Variants in TNIP1 observed in about 807,000 individuals in gnomAD.
TNIP1 encodes the protein TNFAIP3 interacting protein 1, also known as TNFAIP3-interacting protein 1.
In TNIP1, 22 loss-of-function variants were observed where a neutral mutation model predicts 86.6. That is an observed-to-expected ratio of 0.25 (90% confidence interval 0.18 to 0.36). TNIP1 has a LOEUF of 0.36. Ranked by LOEUF, TNIP1 falls within the 10% of genes least tolerant of loss-of-function variation. The pLI is 1.00. For missense variants in TNIP1, 709 were observed against 820.6 expected (o/e 0.86, Z 1.66); for synonymous variants, 294 against 313.0 (o/e 0.94, Z 0.64).
chr5:151,045,337 G>A (rs991021711), intron 9 of TNIP1, among the ~76,000 whole-genome samples: 1 of 152,080 alleles, frequency 6.6e-6, no homozygotes, highest in African/African-American at 2.4e-5. Context: ...TGATCCACCC[G>A]CCTCAGCCTC....
intron 11 of TNIP1, 141 bp from the exon 12 acceptor site, chr5:151,039,366 G>A: frequency 1.2e-6 from 1 of 807,194 alleles, no homozygotes; most frequent in South Asian, 2.1e-5. Context: ...CCTGGGGTCG[G>A]TACAGTAATG....
chr5:151,081,421 A>C (rs1171560326), upstream of TNIP1, among the ~76,000 whole-genome samples: 1 of 151,952 alleles, frequency 6.6e-6, no homozygotes, highest in Non-Finnish European at 1.5e-5. Context: ...GGACCTGCCA[A>C]AAGGCACGTA....
At chr5:151,038,725 T>C (rs1365820929) in intron 12 of TNIP1, among the ~76,000 whole-genome samples, 2 of 152,114 alleles carry the variant, frequency 1.3e-5, no homozygotes, top group Non-Finnish European at 2.9e-5. Context: ...AAATAAGTGA[T>C]GACGAGCCAT....
At chr5:151,046,267 A>T in intron 8 of TNIP1, 16 of 302,300 alleles carry the variant, frequency 5.3e-5, no homozygotes, top group East Asian at 6.9e-5. Flanking sequence ...CACTCCCTAC[A>T]CACATCAGCC....
chr5:151,042,270 T>C (rs1472197891), intron 11 of TNIP1, among the ~76,000 whole-genome samples: 5 of 152,118 alleles, frequency 3.3e-5, no homozygotes, highest in Admixed American at 3.3e-4. Context: ...TGCTTCCCTG[T>C]ACAGTTCCCC....
chr5:151,032,206 T>C lies in TNIP1; in HGVS notation c.1876+81A>G, dbSNP rs533996872. 97 of 1,255,792 alleles carry C rather than the reference T, an allele frequency of 7.7e-5. No homozygotes were observed. The African/African-American group carries it at 1.4e-3, about 18-fold the overall frequency. The allele number at this position is 1,255,792 out of a possible 1,614,324, so 77.8% of individuals were successfully genotyped here. A position where few individuals can be genotyped will look rare whatever the true frequency, so the allele number is the denominator to read the frequency against. On this transcript the variant is annotated intron_variant, in intron 17 of 17. Coordinates refer to ENST00000521591, the MANE Select transcript of TNIP1 (RefSeq NM_006058.5). ...CCACCAAGAGCAGAAACTAACGACA[T>C]CACCCCCAAACTCAGGCAATGCTGG...
chr5:151,064,337 C>T (rs1377545625), intron 2 of TNIP1, among the ~76,000 whole-genome samples: 1 of 152,152 alleles, frequency 6.6e-6, no homozygotes, highest in African/African-American at 2.4e-5. Context: ...CACGGCAAGG[C>T]AAAGGAAGAG....
chr5:151,069,339 C>G (rs1040369448), intron 1 of TNIP1, among the ~76,000 whole-genome samples: 1 of 152,292 alleles, frequency 6.6e-6, no homozygotes, highest in East Asian at 1.9e-4. Context: ...TCCCAGACCC[C>G]CCAAATGATA....
chr5:151,063,263 T>A (rs1761811255), intron 3 of TNIP1, among the ~76,000 whole-genome samples: 1 of 152,106 alleles, frequency 6.6e-6, no homozygotes, highest in Non-Finnish European at 1.5e-5. Context: ...AGTAGCTGCT[T>A]GGAGTGCGAT....
chr5:151,077,259 G>A (rs1227995961), intron 1 of TNIP1, among the ~76,000 whole-genome samples: 1 of 152,150 alleles, frequency 6.6e-6, no homozygotes, highest in Non-Finnish European at 1.5e-5. Flanking sequence ...ATTTATGAGG[G>A]CAGAGCTGAC....
At chr5:151,063,199 C>T (rs956920513) in intron 3 of TNIP1, among the ~76,000 whole-genome samples, 8 of 152,290 alleles carry the variant, frequency 5.3e-5, no homozygotes, top group East Asian at 1.9e-4. Flanking sequence ...AAAATGGACG[C>T]GCAGGGCACG....
intron 9 of TNIP1, 131 bp downstream of exon 9, chr5:151,045,730 C>T: frequency 6.1e-6 from 5 of 818,760 alleles, no homozygotes; most frequent in Non-Finnish European, 1.0e-5. Flanking sequence ...GCAGGCAGGT[C>T]AGTGGTCACC....
Position 151,036,817 on chromosome 5 carries a change from G to A in TNIP1, c.1368C>T (p.Val456=). 1 of 1,614,034 alleles carries A rather than the reference G, an allele frequency of 6.2e-7. No individual in the cohort carries two copies. The highest frequency in any genetic ancestry group is 1.1e-5 in the South Asian group (1 of 91,054). Residue 456 remains valine (V), a synonymous_variant, in exon 13 of 18, where the codon GTC becomes GTT. Transcript: ENST00000521591. ...GCTGTTTCAGCAACTCATTCTGCGT[G>A]ACCAGCTCCTGTTTCCTTAGGAGGG... is the stretch of plus-strand genomic sequence containing the variant. ...AGALLRKQEL[V]TQNELLKQQV...
intron 5 of TNIP1, among the ~76,000 whole-genome samples, chr5:151,057,818 A>G (rs1760876443): frequency 6.6e-6 from 1 of 152,236 alleles, no homozygotes; most frequent in African/African-American, 2.4e-5. Context: ...TTTACATTGT[A>G]TTAGGTATCG....
intron 6 of TNIP1, among the ~76,000 whole-genome samples, chr5:151,054,206 T>G (rs1760350423): frequency 6.6e-6 from 1 of 152,204 alleles, no homozygotes; most frequent in African/African-American, 2.4e-5. Flanking sequence ...TCTAAGGAAC[T>G]GTGTAGAGCA....
chr5:151,062,268 C>G, intron 3 of TNIP1, 56 bp from the exon 4 acceptor site: 1 of 1,524,300 alleles, frequency 6.6e-7, no homozygotes, highest in Non-Finnish European at 9.1e-7. Context: ...AGCCCAGGTA[C>G]CACCCTCTCA....
chr5:151,051,806 A>G (rs953008793), intron 7 of TNIP1, among the ~76,000 whole-genome samples: 1 of 152,286 alleles, frequency 6.6e-6, no homozygotes, highest in Middle Eastern at 3.4e-3. Context: ...GTTCTCAGGA[A>G]GACAGAGCAG....
chr5:151,038,993 G>C, intron 12 of TNIP1, 104 bp downstream of exon 12: 1 of 1,455,698 alleles, frequency 6.9e-7, no homozygotes, highest in African/African-American at 1.4e-5. Context: ...ACTGACTGGG[G>C]GTTACCCTTC....
At chr5:151,060,476 A>T (rs1052149448) in intron 4 of TNIP1, 81 bp from the exon 5 acceptor site, 16 of 1,266,150 alleles carry the variant, frequency 1.3e-5, no homozygotes, top group Non-Finnish European at 1.7e-5. Flanking sequence ...GAGAGCAGCA[A>T]GGGGGACAAA....
Sources: allele counts gnomAD v4.1 joint callset (sites outside exome capture counted in the v4.1 genomes callset), GRCh38; gene constraint gnomAD v4.1.1; transcripts MANE v1.5; gene names NCBI Gene and HGNC (gene_info 2026-07-23, HGNC 2026-07-21).